The following NXF1 variants were observed in gnomAD, a reference collection of about 807,000 sequenced individuals.
The protein encoded by NXF1 is nuclear RNA export factor 1.
A neutral mutation model predicts 92.4 loss-of-function variants in NXF1; 43 were observed. The observed-to-expected ratio is 0.47, with a 90% CI of 0.36 to 0.60. The LOEUF is 0.60. NXF1 is among the 20% of genes least tolerant of loss of function. The pLI, the probability that NXF1 is intolerant of heterozygous loss-of-function variation, is 0.00. For synonymous variants in NXF1, 288 were observed against 292.2 expected, an observed-to-expected ratio of 0.99 and a Z score of 0.15; for missense variants, 576 against 793.0, an observed-to-expected ratio of 0.73 and a Z score of 3.29.
chr11:62,793,819 T>TAAAA (rs56389050), intron 19 of NXF1, among the ~76,000 whole-genome samples: 5 of 86,506 alleles, frequency 5.8e-5, no homozygotes, highest in South Asian at 3.9e-4. Flanking sequence ...CCGTCTCTAC[T>TAAAA]AAAAAAAAAA....
At chr11:62,797,955 C>T (rs1396080001) in intron 11 of NXF1, among the ~76,000 whole-genome samples, 3 of 151,858 alleles carry the variant, frequency 2.0e-5, no homozygotes, top group African/African-American at 7.3e-5. Flanking sequence ...AGATGAAACC[C>T]CCATCTCTAC....
chr11:62,794,698 T>A, intron 18 of NXF1: 1 of 588,198 alleles, frequency 1.7e-6, no homozygotes, highest in East Asian at 2.8e-5. Flanking sequence ...AATATTGTTA[T>A]ATGAATTTTC....
chr11:62,801,712 G>A (rs1415705288), intron 6 of NXF1, 27 bp downstream of exon 6: 5 of 1,611,264 alleles, frequency 3.1e-6, no homozygotes, highest in Non-Finnish European at 3.4e-6. Context: ...GACTGGGTTG[G>A]AAACATCTAA....
At chr11:62,804,853 C>T (rs193006967) in intron 1 of NXF1, among the ~76,000 whole-genome samples, 2 of 152,264 alleles carry the variant, frequency 1.3e-5, no homozygotes, top group African/African-American at 4.8e-5. Flanking sequence ...CCACGCACTC[C>T]TAACTTACTA....
chr11:62,801,263 C>T (rs2084475628), intron 8 of NXF1, 62 bp from the exon 9 acceptor site: 1 of 1,604,576 alleles, frequency 6.2e-7, no homozygotes, highest in Admixed American at 1.7e-5. Context: ...ACGAATCTGC[C>T]CTCCAGCCAC....
chr11:62,799,805 G>C lies in NXF1; in HGVS notation c.1016+572C>G, dbSNP rs551956128. On this transcript the variant is annotated intron_variant, in intron 10 of 20. Coordinates refer to ENST00000294172, the MANE Select transcript of NXF1 (RefSeq NM_006362.5). Reference sequence around the variant, plus strand: ...AGGGAGAGCCCAGCTCATAGCACTGGGCAAGAGAGACAGATTGCATGCCAC... The same window carrying C: ...AGGGAGAGCCCAGCTCATAGCACTGCGCAAGAGAGACAGATTGCATGCCAC... 1.1e-4 allele frequency: 108 copies of C among 986,170 alleles called. No homozygotes were observed. The African/African-American group carries it at 1.6e-3, about 15-fold the overall frequency. The allele number at this position is 986,170 out of a possible 1,614,324, so 61.1% of individuals were successfully genotyped here. A position where few individuals can be genotyped will look rare whatever the true frequency, so the allele number is the denominator to read the frequency against.
At chr11:62,804,050 T>C (rs781295120) in intron 1 of NXF1, 72 bp from the exon 2 acceptor site, 8 of 1,600,110 alleles carry the variant, frequency 5.0e-6, no homozygotes, top group Middle Eastern at 1.7e-4. Flanking sequence ...TCATAGCTTC[T>C]AGTACTCTGA....
chr11:62,792,743 G>T, intron 19 of NXF1, 42 bp from the exon 20 acceptor site: 9 of 1,600,110 alleles, frequency 5.6e-6, no homozygotes, highest in Non-Finnish European at 7.7e-6. Context: ...ACTCTGACTC[G>T]TAAATGCCAG....
In NXF1 at chr11:62,801,598, G is replaced by A. The variant is rs2084479259; in HGVS notation, c.673C>T (p.Gln225Ter). ...CGGAGGCCTTTGAGGTCAAGGGCTT[G>A]TTGGGAGCCATCGTATCGTTTGCTC... ...IMSKRYDGSQ[Q>*]ALDLKGLRSD... Residue 225 changes from glutamine to a stop codon, truncating the protein, a stop_gained, in exon 7 of 21, where the codon CAA (glutamine) becomes TAA (stop). Coordinates refer to ENST00000294172, the MANE Select transcript of NXF1 (RefSeq NM_006362.5). LOFTEE classifies it high-confidence loss of function. 6.2e-7 allele frequency: 1 copy of A among 1,614,134 alleles called. No homozygotes were observed. The highest frequency in any genetic ancestry group is 8.5e-7 in the Non-Finnish European group (1 of 1,180,026).
rs1239866030 is a variant in NXF1 at position 62,792,348 on chromosome 11, GCCCT to G, written c.*124_*127del. ...GGCAGGCGAGGAGAGGGATCAGGCA[GCCCT>G]CCCTCCCTCGGTCACAGTCACGGGG... On this transcript the variant is annotated 3_prime_UTR_variant, in exon 21 of 21. Coordinates refer to ENST00000294172, the MANE Select transcript of NXF1 (RefSeq NM_006362.5). The G allele has an allele frequency of 7.1e-6, 8 of 1,126,750 alleles. No individual in the cohort carries two copies. The highest frequency in any genetic ancestry group is 1.1e-5 in the Non-Finnish European group (8 of 744,342). 69.8% of individuals were successfully genotyped at this position (1,126,750 alleles called of 1,614,324 possible).
Position 62,796,530 on chromosome 11 carries a change from GC to G in NXF1, c.1215del (p.Leu406SerfsTer13). On this transcript the variant is annotated frameshift_variant, in exon 14 of 21. Coordinates refer to ENST00000294172, the MANE Select transcript of NXF1 (RefSeq NM_006362.5). LOFTEE classifies it high-confidence loss of function. ...GCCCCATCATGGTAGGCATCCAGGA[GC>G]CCTTGTCGGTCTCCAGAGTCGTAAA... ...YAIYDSGDRQ[G>X]LLDAYHDGAC... is the part of the protein sequence containing the mutation. The G allele has an allele frequency of 1.2e-6, 2 of 1,614,098 alleles. No individual in the cohort carries two copies. Among genetic ancestry groups the G allele is most frequent in the Non-Finnish European group, 1.7e-6 (2 of 1,179,962 alleles).
intron 3 of NXF1, among the ~76,000 whole-genome samples, chr11:62,802,534 T>C (rs1386104762): frequency 6.6e-6 from 1 of 152,192 alleles, no homozygotes; most frequent in Admixed American, 6.5e-5. Context: ...TTTCCTAGGC[T>C]CAAGCGATCC....
At chr11:62,792,585 ACCT>A in intron 20 of NXF1, 53 bp downstream of exon 20, 1 of 1,613,418 alleles carries the variant, frequency 6.2e-7, no homozygotes, top group East Asian at 2.2e-5. Context: ...AGCTAACCTG[ACCT>A]CCTGGAGGCC....
At chr11:62,801,700 A>C in intron 6 of NXF1, 39 bp downstream of exon 6, 1 of 1,609,654 alleles carries the variant, frequency 6.2e-7, no homozygotes, top group Non-Finnish European at 8.5e-7. Flanking sequence ...GAGAAGTAGT[A>C]AGACTGGGTT....
At chr11:62,794,886 T>C (rs1324464879) in intron 18 of NXF1, 49 bp downstream of exon 18, 4 of 1,543,960 alleles carry the variant, frequency 2.6e-6, no homozygotes, top group African/African-American at 2.7e-5. Flanking sequence ...TACCACACTG[T>C]TGGCCATGGA....
chr11:62,800,584 T>C lies in NXF1; in HGVS notation c.907-98A>G, dbSNP rs1189742115. 5 of 731,278 alleles carry C rather than the reference T, an allele frequency of 6.8e-6. No individual in the cohort carries two copies. In the African/African-American group the frequency reaches 9.0e-5, roughly 13 times the overall value. The allele number at this position is 731,278 out of a possible 1,614,324, so 45.3% of individuals were successfully genotyped here. A position where few individuals can be genotyped will look rare whatever the true frequency, so the allele number is the denominator to read the frequency against. On this transcript the variant is annotated intron_variant, in intron 9 of 20. Coordinates refer to ENST00000294172, the MANE Select transcript of NXF1 (RefSeq NM_006362.5). ...CCCTACGCTTAGCTCTGAGATCTTT[T>C]CTAATCTTTTAAAATTTTTTCTTTT...
intron 10 of NXF1, chr11:62,800,055 C>A (rs1010943762): frequency 5.1e-6 from 6 of 1,173,158 alleles, no homozygotes; most frequent in Admixed American, 8.1e-5. Flanking sequence ...TACAAGATAC[C>A]CTCTGGTTAG....
chr11:62,799,238 A>G lies in NXF1; in HGVS notation c.1017-663T>C, dbSNP rs73485689. Reference sequence around the variant, plus strand: ...AGAAAAATGAGGGAGAAAAGGGAGAAAGACACCCTGACACAGCCCTTTCTT... The same window carrying G: ...AGAAAAATGAGGGAGAAAAGGGAGAGAGACACCCTGACACAGCCCTTTCTT... On this transcript the variant is annotated intron_variant, in intron 10 of 20. Coordinates refer to ENST00000294172, the MANE Select transcript of NXF1 (RefSeq NM_006362.5). 6.0e-3 allele frequency: 5,834 copies of G among 978,072 alleles called. 249 individuals are homozygous for G. In the African/African-American group the frequency reaches 0.093, roughly 16 times the overall value. The allele number at this position is 978,072 out of a possible 1,614,324, so 60.6% of individuals were successfully genotyped here. A position where few individuals can be genotyped will look rare whatever the true frequency, so the allele number is the denominator to read the frequency against.
intron 17 of NXF1, among the ~76,000 whole-genome samples, chr11:62,795,562 C>A (rs1439254676): frequency 2.0e-5 from 3 of 152,200 alleles, no homozygotes; most frequent in African/African-American, 7.2e-5. Context: ...CAGTTTACTT[C>A]CTATAGCACC....
Sources: gnomAD v4.1 joint callset for allele counts (sites outside exome capture counted in the v4.1 genomes callset) on GRCh38, gnomAD v4.1.1 for gene constraint, MANE v1.5 for transcripts, NCBI Gene and HGNC (gene_info 2026-07-23, HGNC 2026-07-21) for gene names.